The following CLDN10 variants were observed in gnomAD, a reference collection of about 807,000 sequenced individuals.
The protein encoded by CLDN10 is claudin-10.
Under a neutral mutation model 22.9 loss-of-function variants are expected in CLDN10, and 15 were observed. The ratio of observed to expected loss-of-function variants is 0.65; its 90% CI spans 0.44 to 1.01. CLDN10 has a LOEUF of 1.01. Among genes scored for constraint, CLDN10 ranks in the 50% least tolerant of loss-of-function variants. CLDN10 has a pLI of 0.00. For missense variants in CLDN10, 247 were observed against 287.8 expected (o/e 0.86, Z 1.03); for synonymous variants, 114 against 111.4 (o/e 1.02, Z -0.15).
chr13:95,470,704 C>A (rs994657084), intron 1 of CLDN10, among the ~76,000 whole-genome samples: 1 of 152,118 alleles, frequency 6.6e-6, no homozygotes, highest in Non-Finnish European at 1.5e-5. Context: ...TCCTGCTGGC[C>A]GTGCACGTCC....
At chr13:95,541,663 A>T (rs559898252) in intron 1 of CLDN10, among the ~76,000 whole-genome samples, 10 of 151,926 alleles carry the variant, frequency 6.6e-5, no homozygotes, top group African/African-American at 2.4e-4. Context: ...TTTTTTCCAC[A>T]CTCACTTTTT....
At chr13:95,565,521 A>G (rs2043775293) in intron 3 of CLDN10, among the ~76,000 whole-genome samples, 1 of 152,130 alleles carries the variant, frequency 6.6e-6, no homozygotes, top group South Asian at 2.1e-4. Flanking sequence ...CGCACTTCTC[A>G]TTCCTGGCAT....
chr13:95,435,847 G>T (rs2042264041), intron 1 of CLDN10, among the ~76,000 whole-genome samples: 1 of 151,370 alleles, frequency 6.6e-6, no homozygotes, highest in African/African-American at 2.4e-5. Context: ...TTTGAGATGG[G>T]GTTTCTCTAT....
Position 95,554,634 on chromosome 13 carries a change from A to C in CLDN10, c.220+1661A>C, listed in dbSNP as rs150695374. Among the ~76,000 whole-genome samples, 505 of 152,286 alleles carry C rather than the reference A, an allele frequency of 3.3e-3. 2 individuals carry two copies. The highest frequency in any genetic ancestry group is 0.012 in the African/African-American group (482 of 41,554). ...GGCCTTCCTGTGTGCTCATGTGACTAAAAAATGACTTTTAAAAACATAAAT... is the reference window on the plus strand; with the variant it reads ...GGCCTTCCTGTGTGCTCATGTGACTCAAAAATGACTTTTAAAAACATAAAT... On this transcript the variant is annotated intron_variant, in intron 1 of 4. Coordinates refer to ENST00000299339, the MANE Select transcript of CLDN10 (RefSeq NM_006984.5).
At chr13:95,548,755 G>C (rs2043535411), upstream of CLDN10, among the ~76,000 whole-genome samples, 1 of 152,030 alleles carries the variant, frequency 6.6e-6, no homozygotes, top group Non-Finnish European at 1.5e-5. Flanking sequence ...GTTTTTTTTA[G>C]TTAATACCGT....
chr13:95,576,648 T>C (rs1446067823), intron 3 of CLDN10, among the ~76,000 whole-genome samples: 1 of 152,192 alleles, frequency 6.6e-6, no homozygotes, highest in Non-Finnish European at 1.5e-5. Flanking sequence ...TTGTTTATCT[T>C]TGCATCTGCT....
rs145341033 is a variant in CLDN10, at chr13:95,515,430, C to A, written c.215-44702C>A. Among the ~76,000 whole-genome samples the A allele has an allele frequency of 2.6e-3, 394 of 152,162 alleles. 3 individuals carry two copies. The highest frequency in any genetic ancestry group is 8.0e-3 in the African/African-American group (333 of 41,522). On this transcript the variant is annotated intron_variant, in intron 1 of 4. Coordinates refer to the CLDN10 transcript ENST00000376873. ...GGCCAGGCTGGTCTTGAATTCCTGA[C>A]CTCAAATGATCTGCCTGCGTTGGCC...
chr13:95,535,997 T>G (rs949704257), intron 1 of CLDN10, among the ~76,000 whole-genome samples: 2 of 152,112 alleles, frequency 1.3e-5, no homozygotes, highest in African/African-American at 4.8e-5. Context: ...CTATGGTGTT[T>G]CAGTGGAAAG....
intron 1 of CLDN10, among the ~76,000 whole-genome samples, chr13:95,481,974 G>A (rs780305393): frequency 1.3e-5 from 2 of 152,114 alleles, no homozygotes; most frequent in African/African-American, 4.8e-5. Context: ...AGCAAAGATC[G>A]CACCACTACA....
chr13:95,499,629 C>T (rs757106381), intron 1 of CLDN10, among the ~76,000 whole-genome samples: 2 of 152,162 alleles, frequency 1.3e-5, no homozygotes, highest in Admixed American at 1.3e-4. Context: ...GCAGACTGAG[C>T]GATCCAGACC....
chr13:95,541,419 C>T (rs988466821), intron 1 of CLDN10, among the ~76,000 whole-genome samples: 2 of 152,164 alleles, frequency 1.3e-5, no homozygotes, highest in African/African-American at 4.8e-5. Flanking sequence ...AGAGATTTCT[C>T]CCTGGTTCCC....
intron 1 of CLDN10, among the ~76,000 whole-genome samples, chr13:95,490,917 T>A (rs1448116379): frequency 6.6e-6 from 1 of 152,206 alleles, no homozygotes; most frequent in African/African-American, 2.4e-5. Flanking sequence ...TAATAGTAAT[T>A]GTTTTATAAA....
rs1273819570 is a variant in CLDN10, at chr13:95,532,692, G to C, written c.215-27440G>C. ...AAAAACTTGTACAAGAATGTTCATA[G>C]CAGCTTTATTTGCCCAAAACTGGGA... On this transcript the variant is annotated intron_variant, in intron 1 of 4. Coordinates refer to the CLDN10 transcript ENST00000376873. Among the ~76,000 whole-genome samples the C allele has an allele frequency of 9.7e-5, 14 of 143,666 alleles. No homozygotes were observed. The Admixed American group carries it at 1.0e-3, about 11-fold the overall frequency. 94.3% of individuals were successfully genotyped at this position (143,666 alleles called of 152,430 possible).
At position 95,578,067 on chromosome 13, in the gene CLDN10, A is replaced by T. The variant is rs954201791; in HGVS notation, c.*53A>T. Reference sequence around the variant, plus strand: ...AGTTTGTTATAAAAGCGAACTGTTCACAAAATGATCCCATCAAGGCCCTCC... The same window carrying T: ...AGTTTGTTATAAAAGCGAACTGTTCTCAAAATGATCCCATCAAGGCCCTCC... On this transcript the variant is annotated 3_prime_UTR_variant, in exon 5 of 5. Coordinates refer to ENST00000299339, the MANE Select transcript of CLDN10 (RefSeq NM_006984.5). The T allele has an allele frequency of 2.9e-6, 3 of 1,040,604 alleles. No homozygotes were observed. The African/African-American group carries it at 4.8e-5, about 17-fold the overall frequency. 64.5% of individuals were successfully genotyped at this position (1,040,604 alleles called of 1,614,324 possible). A position where few individuals can be genotyped will look rare whatever the true frequency, so the allele number is the denominator to read the frequency against.
At chr13:95,556,218 G>A (rs951143767) in intron 1 of CLDN10, among the ~76,000 whole-genome samples, 3 of 151,916 alleles carry the variant, frequency 2.0e-5, no homozygotes, top group African/African-American at 7.3e-5. Context: ...GCTGATTTTT[G>A]TATTTTTAGT....
intron 3 of CLDN10, among the ~76,000 whole-genome samples, chr13:95,561,583 C>T (rs994291622): frequency 1.3e-5 from 2 of 152,040 alleles, no homozygotes; most frequent in Non-Finnish European, 2.9e-5. Flanking sequence ...AGGAAAGAGG[C>T]CAAGTGATGT....
chr13:95,560,392 A>G lies in CLDN10; in HGVS notation c.393A>G (p.Ser131=), dbSNP rs1295012723. The change falls in exon 3 of 5, where the codon TCA becomes TCG. Residue 131 remains serine (S), a synonymous_variant. Coordinates refer to ENST00000299339, the MANE Select transcript of CLDN10 (RefSeq NM_006984.5). ...GIVFILSGLC[S]MTGCSLYANK... is the part of the protein sequence containing the mutation. ...TCTAATATTTGTTAGGGCTGTGCTC[A>G]ATGACTGGATGTTCCCTATATGCAA... is the stretch of plus-strand genomic sequence containing the variant. 4 of 1,614,106 alleles carry G rather than the reference A, an allele frequency of 2.5e-6. No individual in the cohort carries two copies. The highest frequency in any genetic ancestry group is 8.5e-7 in the Non-Finnish European group (1 of 1,179,940).
intron 1 of CLDN10, among the ~76,000 whole-genome samples, chr13:95,466,732 T>G (rs1389975866): frequency 6.6e-6 from 1 of 152,030 alleles, no homozygotes; most frequent in Non-Finnish European, 1.5e-5. Context: ...GCAAAAAAAA[T>G]AAAGCATTTA....
chr13:95,526,614 T>G (rs1322632883), intron 1 of CLDN10, among the ~76,000 whole-genome samples: 1 of 152,000 alleles, frequency 6.6e-6, no homozygotes, highest in African/African-American at 2.4e-5. Flanking sequence ...ATGGTGAAAC[T>G]CCGTCTCTAT....
Sources: allele counts gnomAD v4.1 joint callset (sites outside exome capture counted in the v4.1 genomes callset), GRCh38; gene constraint gnomAD v4.1.1; transcripts MANE v1.5; gene names NCBI Gene and HGNC (gene_info 2026-07-23, HGNC 2026-07-21).